VWA8: variants seen among roughly 807,000 people sequenced by gnomAD.
The protein encoded by VWA8 is von Willebrand factor A domain containing 8.
Under a neutral mutation model 241.5 loss-of-function variants are expected in VWA8, and 221 were observed. The ratio of observed to expected loss-of-function variants is 0.91; its 90% CI spans 0.82 to 1.02. The LOEUF (loss-of-function observed/expected upper bound fraction) is 1.02. Among genes scored for constraint, VWA8 ranks in the 50% least tolerant of loss-of-function variants. The pLI, the probability that VWA8 is intolerant of heterozygous loss-of-function variation, is 0.00. For synonymous variants in VWA8, 852 were observed against 827.1 expected (o/e 1.03, Z -0.52); for missense variants, 2,322 against 2,328.7 (o/e 1.00, Z 0.06).
chr13:41,946,595 G>C (rs1168258955), intron 2 of VWA8, among the ~76,000 whole-genome samples: 2 of 151,332 alleles, frequency 1.3e-5, no homozygotes, highest in African/African-American at 4.9e-5. Flanking sequence ...ATCTAAACAA[G>C]ATTGTTTTAG....
At chr13:41,632,336 T>C (rs369910165) in intron 37 of VWA8, among the ~76,000 whole-genome samples, 17 of 152,298 alleles carry the variant, frequency 1.1e-4, no homozygotes, top group East Asian at 9.7e-4. Flanking sequence ...AACAGAATTC[T>C]CTGAGGTGTT....
At chr13:41,919,230 A>T (rs1876399972) in intron 2 of VWA8, among the ~76,000 whole-genome samples, 1 of 152,170 alleles carries the variant, frequency 6.6e-6, no homozygotes, top group South Asian at 2.1e-4. Flanking sequence ...CTATTTGGGG[A>T]TCAGCTTGGA....
At chr13:41,704,087 T>C (rs1220462926) in intron 26 of VWA8, among the ~76,000 whole-genome samples, 3 of 152,224 alleles carry the variant, frequency 2.0e-5, no homozygotes, top group Non-Finnish European at 4.4e-5. Context: ...AATCAAATAA[T>C]GAAGAGTACA....
intron 37 of VWA8, among the ~76,000 whole-genome samples, chr13:41,640,207 T>G (rs1433379535): frequency 6.6e-6 from 1 of 152,222 alleles, no homozygotes; most frequent in Non-Finnish European, 1.5e-5. Flanking sequence ...TGACAGTCTA[T>G]TCACGTCAGT....
chr13:41,661,418 G>C lies in VWA8; in HGVS notation c.4611+9528C>G, dbSNP rs1235323681. On this transcript the variant is annotated intron_variant, in intron 37 of 44. Transcript: ENST00000379310. ...GAAAGTTGGTAATGCTGCCTGGGCT[G>C]TAGGGCATGGTGGATAAAGAGCACA... Among the ~76,000 whole-genome samples, 3 of 152,284 alleles carry C rather than the reference G, an allele frequency of 2.0e-5. No individual in the cohort carries two copies. The East Asian group carries it at 5.8e-4, about 29-fold the overall frequency.
At chr13:41,586,408 G>A (rs1047787999) in intron 42 of VWA8, among the ~76,000 whole-genome samples, 1 of 152,178 alleles carries the variant, frequency 6.6e-6, no homozygotes, top group African/African-American at 2.4e-5. Context: ...TCCCCACGGT[G>A]AAAGTCCATG....
At chr13:41,852,945 A>G (rs950826064) in intron 12 of VWA8, among the ~76,000 whole-genome samples, 1 of 152,134 alleles carries the variant, frequency 6.6e-6, no homozygotes, top group Non-Finnish European at 1.5e-5. Context: ...CTGTGGTTCC[A>G]TATGAATTTT....
At chr13:41,892,462 AG>A (rs1874893133) in intron 4 of VWA8, among the ~76,000 whole-genome samples, 1 of 152,212 alleles carries the variant, frequency 6.6e-6, no homozygotes, top group Non-Finnish European at 1.5e-5. Flanking sequence ...GCATTGTCCT[AG>A]GAAAATTGTT....
In VWA8 at chr13:41,865,729, A is replaced by G. The variant is rs1873259205; in HGVS notation, c.1425+7T>C. On this transcript the variant is annotated splice_region_variant and intron_variant, in intron 12 of 44. Transcript: ENST00000379310. ...AGTCCAAGTGCAGCTAAAAATGAAC[A>G]CTGTACCTGATAGAGCATAATAGGT... 2 of 1,613,200 alleles carry G rather than the reference A, an allele frequency of 1.2e-6. No homozygotes were observed. The highest frequency in any genetic ancestry group is 1.3e-5 in the African/African-American group (1 of 75,036).
chr13:41,877,476 T>A (rs1225320777), intron 9 of VWA8, among the ~76,000 whole-genome samples: 1 of 152,096 alleles, frequency 6.6e-6, no homozygotes, highest in African/African-American at 2.4e-5. Context: ...ATATTGTAAC[T>A]TCCTCAGGAG....
At chr13:41,844,844 A>G (rs1442143113) in intron 12 of VWA8, among the ~76,000 whole-genome samples, 2 of 152,136 alleles carry the variant, frequency 1.3e-5, no homozygotes, top group Non-Finnish European at 2.9e-5. Flanking sequence ...GTAAAAAAGG[A>G]GGTGAAAGAT....
intron 21 of VWA8, among the ~76,000 whole-genome samples, chr13:41,748,192 C>G (rs1271905093): frequency 6.6e-6 from 1 of 152,200 alleles, no homozygotes; most frequent in Non-Finnish European, 1.5e-5. Flanking sequence ...CCTCCTTGTA[C>G]CTCTGGTAGA....
intron 21 of VWA8, among the ~76,000 whole-genome samples, chr13:41,750,191 T>C (rs2045644679): frequency 6.6e-6 from 1 of 152,144 alleles, no homozygotes; most frequent in South Asian, 2.1e-4. Flanking sequence ...TCCCAGCACT[T>C]TGGGAGGCTG....
chr13:41,854,088 CTTGT>C (rs1175846568), intron 12 of VWA8, among the ~76,000 whole-genome samples: 2 of 152,018 alleles, frequency 1.3e-5, no homozygotes, highest in African/African-American at 4.8e-5. Context: ...CTTGTTTCTG[CTTGT>C]TTGTTAGTAT....
chr13:41,723,145 C>T (rs2045406169), intron 24 of VWA8, among the ~76,000 whole-genome samples: 1 of 152,108 alleles, frequency 6.6e-6, no homozygotes, highest in Non-Finnish European at 1.5e-5. Flanking sequence ...CCTTGGAAAA[C>T]ATATTCTCTC....
chr13:41,701,733 CTT>C (rs1199130918), intron 27 of VWA8, among the ~76,000 whole-genome samples: 1 of 152,178 alleles, frequency 6.6e-6, no homozygotes, highest in East Asian at 1.9e-4. Context: ...CATGTGCTAT[CTT>C]ATTTAATTTC....
chr13:41,839,852 G>A (rs1004579333), intron 12 of VWA8, among the ~76,000 whole-genome samples: 24 of 152,048 alleles, frequency 1.6e-4, no homozygotes, highest in Non-Finnish European at 1.2e-4. Context: ...TTGGCTATAC[G>A]GGCTCTTTTT....
At chr13:41,729,848 T>C (rs1252556968) in intron 22 of VWA8, among the ~76,000 whole-genome samples, 171 bp from the exon 23 acceptor site, 2 of 147,144 alleles carry the variant, frequency 1.4e-5, no homozygotes, top group Admixed American at 6.8e-5. Flanking sequence ...CACACATCTA[T>C]AGCAGAGCTG....
At chr13:41,819,885 AT>A (rs952039333) in intron 14 of VWA8, among the ~76,000 whole-genome samples, 2 of 152,202 alleles carry the variant, frequency 1.3e-5, no homozygotes, top group African/African-American at 4.8e-5. Flanking sequence ...TGAATTTAAA[AT>A]TTAGATTGGG....
Sources: allele counts gnomAD v4.1 joint callset (sites outside exome capture counted in the v4.1 genomes callset), GRCh38; gene constraint gnomAD v4.1.1; transcripts MANE v1.5; gene names NCBI Gene and HGNC (gene_info 2026-07-23, HGNC 2026-07-21).